LIG1: variants seen among roughly 807,000 people sequenced by gnomAD.
LIG1 encodes the protein ligase I, DNA, ATP-dependent.
In LIG1, 70 loss-of-function variants were observed where a neutral mutation model predicts 115.7. That is an observed-to-expected ratio of 0.60 (90% confidence interval 0.50 to 0.74). The LOEUF is 0.74. Among genes scored for constraint, LIG1 ranks in the 30% least tolerant of loss-of-function variants. The pLI, the probability that LIG1 is intolerant of heterozygous loss-of-function variation, is 0.00. For missense variants in LIG1, 1,115 were observed against 1,225.6 expected (o/e 0.91, Z 1.35); for synonymous variants, 487 against 495.3 (o/e 0.98, Z 0.22).
intron 21 of LIG1, 176 bp from the exon 22 acceptor site, chr19:48,123,494 G>A: frequency 1.4e-6 from 1 of 724,114 alleles, no homozygotes; most frequent in Admixed American, 2.4e-5. Context: ...TAAAGCATGG[G>A]GCTAGTCACT....
At chr19:48,140,222 G>A (rs1477355369) in intron 11 of LIG1, 79 bp from the exon 12 acceptor site, 1 of 925,018 alleles carries the variant, frequency 1.1e-6, no homozygotes, top group Non-Finnish European at 1.7e-6. Context: ...GGTTTAAGGG[G>A]GTGGACACTA....
At chr19:48,132,872 C>CTCG in intron 18 of LIG1, 110 bp downstream of exon 18, 2 of 770,924 alleles carry the variant, frequency 2.6e-6, no homozygotes, top group Non-Finnish European at 4.7e-6. Context: ...TGAGCGAGGG[C>CTCG]TCGGCAGTCT....
intron 12 of LIG1, among the ~76,000 whole-genome samples, chr19:48,139,215 T>A (rs1267528468): frequency 1.3e-5 from 2 of 152,136 alleles, no homozygotes; most frequent in Non-Finnish European, 2.9e-5. Flanking sequence ...CAGATAGAGG[T>A]TGCTCATGCC....
At chr19:48,127,855 G>T in intron 20 of LIG1, 55 bp downstream of exon 20, 1 of 1,414,988 alleles carries the variant, frequency 7.1e-7, no homozygotes. Context: ...GCCAGGACTG[G>T]GTGGAAGATG....
At chr19:48,165,313 GCTGA>G (rs2036419457) in intron 2 of LIG1, among the ~76,000 whole-genome samples, 1 of 152,024 alleles carries the variant, frequency 6.6e-6, no homozygotes, top group Non-Finnish European at 1.5e-5. Flanking sequence ...CAAAATTGCT[GCTGA>G]CTGAGAACCA....
intron 12 of LIG1, among the ~76,000 whole-genome samples, chr19:48,138,640 G>T (rs77977931): frequency 6.6e-6 from 1 of 152,222 alleles, no homozygotes; most frequent in Non-Finnish European, 1.5e-5. Flanking sequence ...AAGGCGGCAC[G>T]GAGAGCAGTG....
At chr19:48,134,272 T>C (rs1366818532) in intron 16 of LIG1, among the ~76,000 whole-genome samples, 1 of 152,202 alleles carries the variant, frequency 6.6e-6, no homozygotes, top group Non-Finnish European at 1.5e-5. Context: ...AGTCTGGCCT[T>C]GCCCCTGTTC....
intron 1 of LIG1, among the ~76,000 whole-genome samples, chr19:48,169,421 C>T (rs1172591377): frequency 1.3e-5 from 2 of 152,160 alleles, no homozygotes; most frequent in Non-Finnish European, 2.9e-5. Context: ...AAGATGTCAC[C>T]ATTAGGGGAA....
At chr19:48,153,520 T>A (rs1326106482) in intron 6 of LIG1, among the ~76,000 whole-genome samples, 1 of 152,000 alleles carries the variant, frequency 6.6e-6, no homozygotes, top group Non-Finnish European at 1.5e-5. Flanking sequence ...CCCACAATGT[T>A]TTCAGAACAA....
rs202022144 is a variant in LIG1 at position 48,168,005 on chromosome 19, G to A, written c.-58+2236C>T. Among the ~76,000 whole-genome samples the A allele has an allele frequency of 3.8e-3, 584 of 152,120 alleles. 3 individuals are homozygous for A. Among genetic ancestry groups the A allele is most frequent in the African/African-American group, 0.014 (560 of 41,474 alleles). ...TGAGGGCAAAGGAGAAAACTATTAC[G>A]ATCCCTCCTGAGTGCTCAACTGCCT... On this transcript the variant is annotated intron_variant, in intron 1 of 27. Coordinates refer to ENST00000263274, the MANE Select transcript of LIG1 (RefSeq NM_000234.3).
intron 12 of LIG1, among the ~76,000 whole-genome samples, chr19:48,139,751 G>A (rs1020323180): frequency 3.6e-5 from 5 of 137,748 alleles, no homozygotes; most frequent in African/African-American, 1.4e-4. Flanking sequence ...CACACCCCCT[G>A]TCCCAGCACA....
intron 5 of LIG1, chr19:48,154,408 A>G (rs1599854074): frequency 4.3e-6 from 1 of 235,124 alleles, no homozygotes; most frequent in African/African-American, 2.2e-5. Context: ...GATCGGCAGG[A>G]GTTGGTGTAT....
chr19:48,157,247 T>C, intron 4 of LIG1, 107 bp from the exon 5 acceptor site: 1 of 1,299,280 alleles, frequency 7.7e-7, no homozygotes, highest in African/African-American at 1.5e-5. Flanking sequence ...CCCTCCTTTC[T>C]GACCCTATGG....
At chr19:48,135,637 T>G (rs781322003) in intron 16 of LIG1, 43 bp downstream of exon 16, 318 of 1,437,716 alleles carry the variant, frequency 2.2e-4, no homozygotes, top group Non-Finnish European at 2.9e-4. Context: ...CCTGGCACTC[T>G]GCCCACAGCC....
At chr19:48,169,127 G>A (rs565537181) in intron 1 of LIG1, among the ~76,000 whole-genome samples, 1 of 151,908 alleles carries the variant, frequency 6.6e-6, no homozygotes, top group East Asian at 1.9e-4. Flanking sequence ...AATAATATAT[G>A]ATTCCATTTA....
intron 1 of LIG1, among the ~76,000 whole-genome samples, chr19:48,166,074 A>T (rs1409820495): frequency 6.6e-6 from 1 of 152,240 alleles, no homozygotes; most frequent in East Asian, 1.9e-4. Context: ...AGAATATCAC[A>T]GAGTGTGTGC....
intron 11 of LIG1, among the ~76,000 whole-genome samples, chr19:48,140,904 A>C (rs919778123): frequency 1.3e-5 from 2 of 152,188 alleles, no homozygotes; most frequent in Non-Finnish European, 2.9e-5. Context: ...AGTAAAAATG[A>C]AACTCCGGTC....
At chr19:48,169,944 G>T in intron 1 of LIG1, 2 of 108,238 alleles carry the variant, frequency 1.8e-5, no homozygotes, top group South Asian at 8.3e-5. Context: ...AGTTCCATTT[G>T]GCCTCTCCCC....
In LIG1 at chr19:48,115,913, C is replaced by A. The variant is rs771419079; in HGVS notation, c.2636G>T (p.Arg879Leu). 1 of 1,613,882 alleles carries A rather than the reference C, an allele frequency of 6.2e-7. No homozygotes were observed. The highest frequency in any genetic ancestry group is 1.3e-5 in the African/African-American group (1 of 74,902). The change falls in exon 27 of 28, where the codon CGT becomes CTT. Residue 879 changes from arginine (R) to leucine (L), a missense_variant. Coordinates refer to ENST00000263274, the MANE Select transcript of LIG1 (RefSeq NM_000234.3). Reference protein sequence around the residue: ...SLRFPRFIRVREDKQPEQATT... With the variant: ...SLRFPRFIRVLEDKQPEQATT... ...GGCCTGCTCCGGCTGCTTGTCTTCA[C>A]GGACTCGAATAAACCGAGGGAAGCG...
Sources: allele counts gnomAD v4.1 joint callset (sites outside exome capture counted in the v4.1 genomes callset), GRCh38; gene constraint gnomAD v4.1.1; transcripts MANE v1.5; gene names NCBI Gene and HGNC (gene_info 2026-07-23, HGNC 2026-07-21).